Variants in IMPG1 observed in about 807,000 individuals in gnomAD.
IMPG1 encodes the protein interphotoreceptor matrix proteoglycan of 150 kDa.
Under a neutral mutation model 92.0 loss-of-function variants are expected in IMPG1, and 85 were observed. The observed-to-expected ratio is 0.92, with a 90% CI of 0.78 to 1.11. The LOEUF (loss-of-function observed/expected upper bound fraction) is 1.11. Ranked by LOEUF, IMPG1 falls within the 50% of genes least tolerant of loss-of-function variation. The pLI, the probability that IMPG1 is intolerant of heterozygous loss-of-function variation, is 0.00. For missense variants in IMPG1, 1,022 were observed against 956.0 expected (o/e 1.07, Z -0.91); for synonymous variants, 367 against 334.1 (o/e 1.10, Z -1.08).
intron 2 of IMPG1, among the ~76,000 whole-genome samples, chr6:76,041,402 G>A (rs568894263): frequency 1.3e-5 from 2 of 152,146 alleles, no homozygotes; most frequent in African/African-American, 4.8e-5. Flanking sequence ...GCACTTCAAT[G>A]TGCCTCTAGG....
chr6:76,036,062 C>G (rs1329785263), intron 2 of IMPG1, among the ~76,000 whole-genome samples: 1 of 152,200 alleles, frequency 6.6e-6, no homozygotes, highest in African/African-American at 2.4e-5. Context: ...AAAACTCCAT[C>G]TGTTCCCATC....
intron 7 of IMPG1, among the ~76,000 whole-genome samples, chr6:76,014,979 T>C (rs1783258752): frequency 6.6e-6 from 1 of 152,176 alleles, no homozygotes; most frequent in Admixed American, 6.5e-5. Flanking sequence ...GGGGACCTTC[T>C]AGTCATGGAG....
chr6:76,005,463 C>G lies in IMPG1; in HGVS notation c.959G>C (p.Ser320Thr). The G allele has an allele frequency of 4.3e-6, 7 of 1,613,978 alleles. No individual in the cohort carries two copies. The highest frequency in any genetic ancestry group is 5.9e-6 in the Non-Finnish European group (7 of 1,179,916). ...RHSAEAKSPASDLLSFDSNKI... is the reference protein window; with the variant it reads ...RHSAEAKSPATDLLSFDSNKI... The stretch of plus-strand genomic sequence containing the variant: ...GTTGGAATCAAAAGACAGGAGGTCA[C>G]TTGCAGGGCTTTTTGCTTCTGCACT... The change falls in exon 10 of 17, where the codon AGT becomes ACT. Residue 320 changes from serine (S) to threonine (T), a missense_variant. This residue lies in a region of IMPG1 where 681 missense variants were observed against 583.6 expected (regional missense o/e 1.17). Coordinates refer to ENST00000369950, the MANE Select transcript of IMPG1 (RefSeq NM_001563.4).
intron 14 of IMPG1, among the ~76,000 whole-genome samples, chr6:75,936,262 T>C (rs2149452236): frequency 6.6e-6 from 1 of 152,366 alleles, no homozygotes; most frequent in South Asian, 2.1e-4. Flanking sequence ...CGTCTCCCAT[T>C]CTGCGTGTTC....
At chr6:75,952,065 T>C (rs1329401525) in intron 12 of IMPG1, among the ~76,000 whole-genome samples, 1 of 152,228 alleles carries the variant, frequency 6.6e-6, no homozygotes, top group Non-Finnish European at 1.5e-5. Context: ...CATTGAACTA[T>C]CAAAACCTAC....
At position 76,025,247 on chromosome 6, in the gene IMPG1, A is replaced by G. The variant is rs766521707; in HGVS notation, c.509T>C (p.Ile170Thr). The change falls in exon 5 of 17, where the codon ATA becomes ACA. Residue 170 changes from isoleucine (I) to threonine (T), a missense_variant. By Grantham distance (89) the Ile-to-Thr change is moderately conservative. Around this residue, in one of 3 missense-constraint regions of IMPG1, gnomAD observed 681 missense variants for 583.6 expected, o/e 1.17. Transcript: ENST00000369950. Reference protein sequence around the residue: ...QRSFPDRKDEISAEKTLGEPG... With the variant: ...QRSFPDRKDETSAEKTLGEPG... ...CTCTCCCAATGTCTTCTCTGCAGAT[A>G]TTTCATCTTTTCTATTAGTACAATA... is the stretch of plus-strand genomic sequence containing the variant. 1.3e-6 allele frequency: 2 copies of G among 1,590,038 alleles called. No individual in the cohort carries two copies. The highest frequency in any genetic ancestry group is 1.7e-6 in the Non-Finnish European group (2 of 1,159,734).
intron 12 of IMPG1, among the ~76,000 whole-genome samples, chr6:75,995,374 C>CCCTGCT (rs1782878953): frequency 6.6e-6 from 1 of 152,150 alleles, no homozygotes; most frequent in Non-Finnish European, 1.5e-5. Flanking sequence ...GCTTATAAAG[C>CCCTGCT]TCTATGCTTC....
rs1289757674 is a variant in IMPG1 at position 75,947,549 on chromosome 6, T to A, written c.1825-16A>T. The stretch of plus-strand genomic sequence containing the variant: ...ATGGAACCAGCTGCAAAATAAAAGA[T>A]GGTTTCCTCTTAACTGTGTTCTAAG... On this transcript the variant is annotated splice_polypyrimidine_tract_variant and intron_variant, in intron 13 of 16. Coordinates refer to ENST00000369950, the MANE Select transcript of IMPG1 (RefSeq NM_001563.4). 3 of 1,586,742 alleles carry A rather than the reference T, an allele frequency of 1.9e-6. No individual in the cohort carries two copies. The highest frequency in any genetic ancestry group is 2.6e-6 in the Non-Finnish European group (3 of 1,157,290).
At chr6:75,968,620 T>C (rs949545612) in intron 12 of IMPG1, among the ~76,000 whole-genome samples, 5 of 152,246 alleles carry the variant, frequency 3.3e-5, no homozygotes, top group East Asian at 1.9e-4. Context: ...TATTTTTCAC[T>C]TTTAGGGAAA....
chr6:76,038,541 G>A (rs1783781601), intron 2 of IMPG1, among the ~76,000 whole-genome samples: 6 of 152,060 alleles, frequency 3.9e-5, no homozygotes, highest in Admixed American at 3.9e-4. Flanking sequence ...TCCTTACTGG[G>A]GAAGTATCAA....
intron 12 of IMPG1, among the ~76,000 whole-genome samples, chr6:75,954,183 G>A (rs140627846): frequency 0.024 from 3,720 of 152,182 alleles, 154 homozygotes; most frequent in African/African-American, 0.084. Context: ...TTGAGGAATC[G>A]CCAAACTGTC....
intron 2 of IMPG1, among the ~76,000 whole-genome samples, chr6:76,039,888 G>C (rs1287470209): frequency 6.6e-6 from 1 of 152,214 alleles, no homozygotes. Context: ...TCACTGCGTT[G>C]CTTTTAAGCC....
intron 14 of IMPG1, among the ~76,000 whole-genome samples, chr6:75,933,898 C>T (rs1021364900): frequency 3.3e-5 from 5 of 152,176 alleles, no homozygotes; most frequent in Non-Finnish European, 5.9e-5. Flanking sequence ...TGGATATTGC[C>T]GACATCATTT....
At chr6:76,008,770 G>A (rs1360644114) in intron 8 of IMPG1, among the ~76,000 whole-genome samples, 1 of 152,112 alleles carries the variant, frequency 6.6e-6, no homozygotes, top group Non-Finnish European at 1.5e-5. Flanking sequence ...TACGATCCAA[G>A]AATTTTGATG....
intron 1 of IMPG1, among the ~76,000 whole-genome samples, chr6:76,071,381 T>C (rs1158776992): frequency 6.6e-6 from 1 of 150,820 alleles, no homozygotes; most frequent in East Asian, 1.9e-4. Flanking sequence ...TATTTATTTC[T>C]AATTAAAATG....
At chr6:76,025,839 T>C (rs77714999) in intron 4 of IMPG1, among the ~76,000 whole-genome samples, 86 of 152,258 alleles carry the variant, frequency 5.6e-4, no homozygotes, top group African/African-American at 2.0e-3. Flanking sequence ...GGAATGATGA[T>C]GTGGAAGAGA....
rs772059757 is a variant in IMPG1 at position 76,002,898 on chromosome 6, C to T, written c.1291+20G>A. ...AGCATATGTTGTCATCTAACATAGA[C>T]TTTGTGAGGGGAAACTTACCAGGTA... On this transcript the variant is annotated intron_variant, in intron 12 of 16. Coordinates refer to ENST00000369950, the MANE Select transcript of IMPG1 (RefSeq NM_001563.4). The T allele has an allele frequency of 1.0e-5, 16 of 1,588,942 alleles. 1 individual carries two copies. In the South Asian group the frequency reaches 1.5e-4, roughly 15 times the overall value.
At chr6:76,048,485 G>A (rs1562383365) in intron 1 of IMPG1, among the ~76,000 whole-genome samples, 1 of 152,124 alleles carries the variant, frequency 6.6e-6, no homozygotes, top group Non-Finnish European at 1.5e-5. Flanking sequence ...TCTATGCTTT[G>A]CCTCCTGTGA....
chr6:75,972,258 G>A (rs187062423), intron 12 of IMPG1, among the ~76,000 whole-genome samples: 23 of 152,168 alleles, frequency 1.5e-4, no homozygotes, highest in African/African-American at 4.8e-4. Context: ...GCCCAGCCCC[G>A]TTCCCTCCCA....
Sources: gnomAD v4.1 joint callset for allele counts (sites outside exome capture counted in the v4.1 genomes callset) on GRCh38, gnomAD v4.1.1 for gene constraint, gnomAD v4.1.1 regional missense constraint, MANE v1.5 for transcripts, NCBI Gene and HGNC (gene_info 2026-07-23, HGNC 2026-07-21) for gene names.